SALL4: variants seen among roughly 807,000 people sequenced by gnomAD.
SALL4 encodes sal-like protein 4.
SALL4 carries 4 observed loss-of-function variants against 60.8 expected under a neutral mutation model. That is an observed-to-expected ratio of 0.07 (90% CI 0.03 to 0.15). The LOEUF is 0.15. SALL4 is among the 10% of genes least tolerant of loss of function. The pLI is 1.00. For synonymous variants in SALL4, 580 were observed against 574.9 expected (o/e 1.01, Z -0.13); for missense variants, 1,178 against 1,394.7 (o/e 0.84, Z 2.48).
intron 3 of SALL4, among the ~76,000 whole-genome samples, chr20:51,786,636 G>C (rs1032504058): frequency 1.3e-5 from 2 of 152,224 alleles, no homozygotes; most frequent in African/African-American, 4.8e-5. Flanking sequence ...TCTGAATGTT[G>C]ATTGTAACAA....
rs2078051081 is a variant in SALL4, at chr20:51,792,242, A to G, written c.241T>C (p.Phe81Leu). Reference protein sequence around the residue: ...THVCEKCCAEFFSISEFLEHK... With the variant: ...THVCEKCCAELFSISEFLEHK... ...TCCAGGAACTCAGAGATGCTGAAGAACTCCGCACAGCATTTCTCACAGACG... is the reference window on the plus strand; with the variant it reads ...TCCAGGAACTCAGAGATGCTGAAGAGCTCCGCACAGCATTTCTCACAGACG... Residue 81 changes from phenylalanine to leucine, a missense_variant, in exon 2 of 4, where the codon TTC (phenylalanine) becomes CTC (leucine). Phe to Leu is a conservative substitution (Grantham distance 22, BLOSUM62 0). This residue lies in a region of SALL4 where 108 missense variants were observed against 95.7 expected (regional missense o/e 1.13). Coordinates refer to ENST00000217086, the MANE Select transcript of SALL4 (RefSeq NM_020436.5). The G allele has an allele frequency of 1.2e-6, 2 of 1,613,342 alleles. No individual in the cohort carries two copies. Among genetic ancestry groups the G allele is most frequent in the Non-Finnish European group, 8.5e-7 (1 of 1,179,906 alleles).
At chr20:51,789,196 C>G (rs1358398197) in intron 2 of SALL4, 55 bp from the exon 3 acceptor site, 2 of 1,593,998 alleles carry the variant, frequency 1.3e-6, no homozygotes, top group East Asian at 4.5e-5. Context: ...TTCATTCTTT[C>G]TCTTCAAAGC....
At chr20:51,796,368 G>A (rs1315843346) in intron 1 of SALL4, among the ~76,000 whole-genome samples, 6 of 152,090 alleles carry the variant, frequency 3.9e-5, no homozygotes, top group African/African-American at 1.2e-4. Context: ...TACACCTTAA[G>A]GCAAGCTTGT....
At chr20:51,786,734 T>C (rs778536877) in intron 3 of SALL4, among the ~76,000 whole-genome samples, 5 of 152,246 alleles carry the variant, frequency 3.3e-5, no homozygotes, top group Non-Finnish European at 7.3e-5. Context: ...CATACAAGGA[T>C]GTCTCTGTAT....
chr20:51,784,142 G>A lies in SALL4; in HGVS notation c.*123C>T, dbSNP rs547307581. On this transcript the variant is annotated 3_prime_UTR_variant, in exon 4 of 4. Transcript: ENST00000217086. ...GCCTGAGGTTGTGGTCACAACCAACGTAGTAAACATCATTTGCATATCAGT... is the reference window on the plus strand; with the variant it reads ...GCCTGAGGTTGTGGTCACAACCAACATAGTAAACATCATTTGCATATCAGT... 42 of 1,163,208 alleles carry A rather than the reference G, an allele frequency of 3.6e-5. No individual in the cohort carries two copies. Among genetic ancestry groups the A allele is most frequent in the African/African-American group, 1.2e-4 (8 of 66,232 alleles). The allele number at this position is 1,163,208 out of a possible 1,614,324, so 72.1% of individuals were successfully genotyped here.
In SALL4 at chr20:51,790,066, C is replaced by T. The variant is rs1225127203; in HGVS notation, c.2417G>A (p.Gly806Glu). ...GTTCTCGGAGCTCTCTGCTTTGCTCCCAGCATCGGGAGACTTTGACTTGAT... is the reference window on the plus strand; with the variant it reads ...GTTCTCGGAGCTCTCTGCTTTGCTCTCAGCATCGGGAGACTTTGACTTGAT... Reference protein sequence around the residue: ...ESIKSKSPDAGSKAESSENSR... With the variant: ...ESIKSKSPDAESKAESSENSR... The change falls in exon 2 of 4, where the codon GGG becomes GAG. Residue 806 changes from glycine to glutamate, a missense_variant. Gly to Glu is a moderately conservative substitution (Grantham distance 98). Coordinates refer to ENST00000217086, the MANE Select transcript of SALL4 (RefSeq NM_020436.5). This position sits in a 1 kb window ranked among gnomAD's most constrained non-coding sequence, Gnocchi z 5.5. 1 of 1,614,186 alleles carries T rather than the reference C, an allele frequency of 6.2e-7. No individual in the cohort carries two copies. The highest frequency in any genetic ancestry group is 1.7e-5 in the Admixed American group (1 of 60,018).
intron 3 of SALL4, among the ~76,000 whole-genome samples, chr20:51,787,232 G>T (rs964740935): frequency 4.6e-5 from 7 of 151,992 alleles, no homozygotes; most frequent in African/African-American, 1.7e-4. Flanking sequence ...GATCAGCGTG[G>T]CCAACATCGT....
At chr20:51,789,579 A>G (rs1391436332) in intron 2 of SALL4, among the ~76,000 whole-genome samples, 1 of 152,146 alleles carries the variant, frequency 6.6e-6, no homozygotes, top group Non-Finnish European at 1.5e-5. Flanking sequence ...ATTTGTGAAC[A>G]TTACATCAGG....
At position 51,790,418 on chromosome 20, in the gene SALL4, C is replaced by T. The variant is rs1305194741; in HGVS notation, c.2065G>A (p.Glu689Lys). The T allele has an allele frequency of 7.4e-6, 12 of 1,613,958 alleles. No homozygotes were observed. The highest frequency in any genetic ancestry group is 1.3e-5 in the African/African-American group (1 of 74,876). ...CTGACTTCCTCTACATCGATGCTTT[C>T]GATGACATCATCATGGCAGATAGCG... ...TGAICHDDVI[E>K]SIDVEEVSSQ... is the part of the protein sequence containing the mutation. Residue 689 changes from glutamate to lysine, a missense_variant, in exon 2 of 4, where the codon GAA becomes AAA. By Grantham distance (56) the Glu-to-Lys change is moderately conservative. Transcript: ENST00000217086. The surrounding 1 kb of genome is among the most constrained non-coding windows in gnomAD (Gnocchi z 5.5).
At position 51,791,610 on chromosome 20, in the gene SALL4, T is replaced by G. The variant is rs1568865229; in HGVS notation, c.873A>C (p.Gln291His). The G allele has an allele frequency of 6.2e-7, 1 of 1,613,690 alleles. No individual in the cohort carries two copies. Among genetic ancestry groups the G allele is most frequent in the East Asian group, 2.2e-5 (1 of 44,860 alleles). Reference protein sequence around the residue: ...SQGLSLDALKQAKLPHANIPS... With the variant: ...SQGLSLDALKHAKLPHANIPS... ...GGATGTTGGCGTGAGGTAGCTTGGC[T>G]TGTTTCAAGGCATCCAGAGACAGAC... The change falls in exon 2 of 4, where the codon CAA becomes CAC. Residue 291 changes from glutamine to histidine, a missense_variant. This residue lies in a region of SALL4 where 853 missense variants were observed against 1,036.8 expected (regional missense o/e 0.82). Transcript: ENST00000217086. This position sits in a 1 kb window ranked among gnomAD's most constrained non-coding sequence, Gnocchi z 4.6.
At position 51,790,568 on chromosome 20, in the gene SALL4, C is replaced by T. The variant is rs978656739; in HGVS notation, c.1915G>A (p.Val639Met). 5 of 1,613,998 alleles carry T rather than the reference C, an allele frequency of 3.1e-6. No individual in the cohort carries two copies. Among genetic ancestry groups the T allele is most frequent in the African/African-American group, 2.7e-5 (2 of 74,912 alleles). Residue 639 changes from valine (V) to methionine (M), a missense_variant, in exon 2 of 4, where the codon GTG becomes ATG. Val to Met is a conservative substitution (Grantham distance 21). Transcript: ENST00000217086. This position sits in a 1 kb window ranked among gnomAD's most constrained non-coding sequence, Gnocchi z 5.5. ...ATCCGAATATGTTGCTGCAGCATCA[C>T]GGCATTAGTGAACTTCTTCTGGCAG... ...PICQKKFTNA[V>M]MLQQHIRMHM...
rs1359154757 is a variant in SALL4, at chr20:51,791,883, T to C, written c.600A>G (p.Ala200=). 2 of 1,614,014 alleles carry C rather than the reference T, an allele frequency of 1.2e-6. No homozygotes were observed. Among genetic ancestry groups the C allele is most frequent in the Non-Finnish European group, 1.7e-6 (2 of 1,179,970 alleles). ...KVAVNQRSAD[A]LPAPVPGANS... The stretch of plus-strand genomic sequence containing the variant: ...TGGCACCAGGCACGGGGGCAGGGAG[T>C]GCATCCGCGCTCCGCTGATTCACCG... The change falls in exon 2 of 4, where the codon GCA becomes GCG. Residue 200 remains alanine, a synonymous_variant. Coordinates refer to ENST00000217086, the MANE Select transcript of SALL4 (RefSeq NM_020436.5). The surrounding 1 kb of genome is among the most constrained non-coding windows in gnomAD (Gnocchi z 4.6).
chr20:51,789,347 G>T (rs1278957811), intron 2 of SALL4, among the ~76,000 whole-genome samples: 3 of 144,934 alleles, frequency 2.1e-5, no homozygotes, highest in East Asian at 4.0e-4. Flanking sequence ...ATCACTTTGG[G>T]TTTTTTTTTT....
At chr20:51,792,841 G>A (rs1568866825) in intron 1 of SALL4, 1 of 1,032,292 alleles carries the variant, frequency 9.7e-7, no homozygotes, top group Non-Finnish European at 1.2e-6. Context: ...TTCACATGAT[G>A]CCTGGAAGTC....
Position 51,790,347 on chromosome 20 carries a change from A to G in SALL4, c.2136T>C (p.Leu712=), listed in dbSNP as rs770902657. The G allele has an allele frequency of 2.5e-6, 4 of 1,614,098 alleles. No homozygotes were observed. Among genetic ancestry groups the G allele is most frequent in the African/African-American group, 1.3e-5 (1 of 75,016 alleles). The change falls in exon 2 of 4, where the codon CTT becomes CTC. Residue 712 remains leucine, a synonymous_variant. Transcript: ENST00000217086. The surrounding 1 kb of genome is among the most constrained non-coding windows in gnomAD (Gnocchi z 5.5). ...PSSSSKVPTP[L]PSIHSASPTL... Reference sequence around the variant, plus strand: ...TGGGTGATGCCGAGTGGATGCTGGGAAGAGGCGTGGGGACCTTGGAGGAGC... The same window carrying G: ...TGGGTGATGCCGAGTGGATGCTGGGGAGAGGCGTGGGGACCTTGGAGGAGC...
At position 51,790,265 on chromosome 20, in the gene SALL4, G is replaced by A; in HGVS notation, c.2218C>T (p.Pro740Ser). Residue 740 changes from proline (P) to serine (S), a missense_variant, in exon 2 of 4, where the codon CCT (proline) becomes TCT (serine). Pro to Ser is a moderately conservative substitution (Grantham distance 74). Transcript: ENST00000217086. This position sits in a 1 kb window ranked among gnomAD's most constrained non-coding sequence, Gnocchi z 5.5. Reference sequence around the variant, plus strand: ...CTGCCCTGGCGCTGCAGGTTAAAAGGGGCAGGACCCACTTTCCCTGGGGCA... The same window carrying A: ...CTGCCCTGGCGCTGCAGGTTAAAAGAGGCAGGACCCACTTTCCCTGGGGCA... The part of the protein sequence containing the change: ...LDAPGKVGPA[P>S]FNLQRQGSRE... 2 of 1,614,146 alleles carry A rather than the reference G, an allele frequency of 1.2e-6. No homozygotes were observed. The highest frequency in any genetic ancestry group is 1.7e-6 in the Non-Finnish European group (2 of 1,180,030).
chr20:51,800,181 GA>G (rs931397235), intron 1 of SALL4, among the ~76,000 whole-genome samples: 3 of 152,048 alleles, frequency 2.0e-5, no homozygotes, highest in Admixed American at 1.3e-4. Flanking sequence ...TCAAGCAGGC[GA>G]CCGGCACGAA....
chr20:51,790,072 T>C lies in SALL4; in HGVS notation c.2411A>G (p.Asp804Gly). Residue 804 changes from aspartate to glycine, a missense_variant, in exon 2 of 4, where the codon GAT becomes GGT. Around this residue, in one of 5 missense-constraint regions of SALL4, gnomAD observed 853 missense variants for 1,036.8 expected, o/e 0.82. Transcript: ENST00000217086. This position sits in a 1 kb window ranked among gnomAD's most constrained non-coding sequence, Gnocchi z 5.5. ...QAESIKSKSP[D>G]AGSKAESSEN... ...GGAGCTCTCTGCTTTGCTCCCAGCA[T>C]CGGGAGACTTTGACTTGATGCTTTC... 2 of 1,614,178 alleles carry C rather than the reference T, an allele frequency of 1.2e-6. No homozygotes were observed. Among genetic ancestry groups the C allele is most frequent in the Non-Finnish European group, 1.7e-6 (2 of 1,180,012 alleles).
In SALL4 at chr20:51,790,134, T is replaced by C. The variant is rs145820443; in HGVS notation, c.2349A>G (p.Thr783=). The C allele has an allele frequency of 2.5e-6, 4 of 1,614,044 alleles. No individual in the cohort carries two copies. In the African/African-American group the frequency reaches 5.3e-5, roughly 22 times the overall value. The change falls in exon 2 of 4, where the codon ACA becomes ACG. Residue 783 remains threonine (T), a synonymous_variant. Transcript: ENST00000217086. This position sits in a 1 kb window ranked among gnomAD's most constrained non-coding sequence, Gnocchi z 5.5. ...QSRSPDILET[T]SFQALSPANS... is the part of the protein sequence containing the mutation. Reference sequence around the variant, plus strand: ...TGGCCGGGGAGAGTGCCTGGAAGGATGTGGTTTCCAGGATATCTGGGCTTC... The same window carrying C: ...TGGCCGGGGAGAGTGCCTGGAAGGACGTGGTTTCCAGGATATCTGGGCTTC...
Sources: gnomAD v4.1 joint callset for allele counts (sites outside exome capture counted in the v4.1 genomes callset) on GRCh38, gnomAD v4.1.1 for gene constraint, gnomAD v4.1.1 regional missense constraint, Gnocchi (gnomAD v3.1) non-coding constraint, MANE v1.5 for transcripts, NCBI Gene and HGNC (gene_info 2026-07-23, HGNC 2026-07-21) for gene names.